Variants in PCDHGB4 observed in about 807,000 individuals in gnomAD.
PCDHGB4 encodes the protein protocadherin gamma subfamily B, 4, also known as protocadherin gamma-B4.
Under a neutral mutation model 60.5 loss-of-function variants are expected in PCDHGB4, and 38 were observed. That is an observed-to-expected ratio of 0.63 (90% CI 0.48 to 0.82). The LOEUF (loss-of-function observed/expected upper bound fraction) is 0.82, where lower values mean the gene tolerates loss of function less well. PCDHGB4 is among the 40% of genes least tolerant of loss of function. The probability of loss-of-function intolerance (pLI) is 0.00; values close to 1 mark genes in which losing one functional copy is unlikely to be tolerated. For synonymous variants in PCDHGB4, 456 were observed against 509.7 expected (o/e 0.89, Z 1.42); for missense variants, 1,109 against 1,209.6 (o/e 0.92, Z 1.23).
intron 1 of PCDHGB4, among the ~76,000 whole-genome samples, chr5:141,492,798 C>T (rs1219815576): frequency 6.6e-6 from 1 of 152,250 alleles, no homozygotes; most frequent in Non-Finnish European, 1.5e-5. Flanking sequence ...GACAGCAGGA[C>T]TGGGACTCCA....
chr5:141,436,856 G>A (rs942357563), intron 1 of PCDHGB4, among the ~76,000 whole-genome samples: 2 of 152,246 alleles, frequency 1.3e-5, no homozygotes, highest in Admixed American at 1.3e-4. Context: ...TGATTGAGAA[G>A]CCACAGTTTT....
chr5:141,476,357 C>G lies in PCDHGB4; in HGVS notation c.2398-18450C>G. On this transcript the variant is annotated intron_variant, in intron 1 of 3. Transcript: ENST00000519479. The surrounding 1 kb of genome is among the most constrained non-coding windows in gnomAD (Gnocchi z 7.6). ...TAGCCGAAGATTCTTTGAGGTGAAC[C>G]GGGAGACCGGAGAGATGTTTGTGAA... The G allele has an allele frequency of 6.2e-7, 1 of 1,614,052 alleles. No individual in the cohort carries two copies. Among genetic ancestry groups the G allele is most frequent in the South Asian group, 1.1e-5 (1 of 91,078 alleles).
chr5:141,399,997 A>G, intron 1 of PCDHGB4: 1 of 1,612,344 alleles, frequency 6.2e-7, no homozygotes, highest in Non-Finnish European at 8.5e-7. Context: ...AGAGGTGCGC[A>G]CAGCGCGTGC....
At chr5:141,403,715 G>A in intron 1 of PCDHGB4, 3 of 1,613,898 alleles carry the variant, frequency 1.9e-6, no homozygotes, top group Non-Finnish European at 2.5e-6. Flanking sequence ...CCTTGAGAAC[G>A]TGCCCCCAGG....
Position 141,389,722 on chromosome 5 carries a change from G to C in PCDHGB4, c.1838G>C (p.Gly613Ala), listed in dbSNP as rs141134077. 15,348 of 1,612,674 alleles carry C rather than the reference G, an allele frequency of 9.5e-3. 102 individuals are homozygous for C. The highest frequency in any genetic ancestry group is 0.028 in the Middle Eastern group (161 of 5,786). The change falls in exon 1 of 4, where the codon GGG (glycine) becomes GCG (alanine). Residue 613 changes from glycine (G) to alanine (A), a missense_variant. Physicochemically the swap from Gly to Ala is moderately conservative, Grantham distance 60 (BLOSUM62 0). Coordinates refer to ENST00000519479, the MANE Select transcript of PCDHGB4 (RefSeq NM_003736.4). ...CACGTGCTGCAGGCTAGCGAGCCCG[G>C]GCTCTTCAGCCTGGGGCTGCGCACG... ...SYHVLQASEP[G>A]LFSLGLRTGE...
At chr5:141,443,953 T>C (rs1373953428) in intron 1 of PCDHGB4, among the ~76,000 whole-genome samples, 1 of 152,142 alleles carries the variant, frequency 6.6e-6, no homozygotes, top group Non-Finnish European at 1.5e-5. Context: ...CTTATTGGTA[T>C]GTATTCTGTG....
intron 1 of PCDHGB4, among the ~76,000 whole-genome samples, chr5:141,475,215 T>C (rs768665396): frequency 2.6e-5 from 4 of 152,176 alleles, no homozygotes; most frequent in Non-Finnish European, 5.9e-5. Flanking sequence ...AAAGGATTGA[T>C]CAAGTAAAGG....
chr5:141,403,100 A>G (rs1295654527), intron 1 of PCDHGB4: 5 of 1,613,992 alleles, frequency 3.1e-6, no homozygotes, highest in Non-Finnish European at 4.2e-6. Flanking sequence ...CAACATCTCC[A>G]AGGACCTGGC....
intron 1 of PCDHGB4, chr5:141,394,756 A>T (rs757241753): frequency 1.2e-6 from 2 of 1,613,324 alleles, no homozygotes; most frequent in Non-Finnish European, 1.7e-6. Flanking sequence ...GCCGTCCAGG[A>T]CCATGGCCAG....
chr5:141,403,762 T>A (rs1217388200), intron 1 of PCDHGB4: 1 of 1,613,736 alleles, frequency 6.2e-7, no homozygotes, highest in Non-Finnish European at 8.5e-7. Flanking sequence ...GCGACCTGGA[T>A]GAGGGAATCA....
chr5:141,396,439 T>C (rs1191341482), intron 1 of PCDHGB4: 1 of 152,138 alleles, frequency 6.6e-6, no homozygotes, highest in African/African-American at 2.4e-5. Flanking sequence ...GCAAACATGG[T>C]GAAACCCCGT....
At chr5:141,400,279 G>C (rs1561676065) in intron 1 of PCDHGB4, 1 of 1,614,050 alleles carries the variant, frequency 6.2e-7, no homozygotes, top group African/African-American at 1.3e-5. Context: ...CTCCAGCCCT[G>C]CCGCCTGGAG....
At chr5:141,459,714 T>C (rs1240430980) in intron 1 of PCDHGB4, among the ~76,000 whole-genome samples, 4 of 152,244 alleles carry the variant, frequency 2.6e-5, no homozygotes, top group Admixed American at 6.5e-5. Flanking sequence ...TTCTCACCAA[T>C]GCTTCCTATT....
intron 1 of PCDHGB4, among the ~76,000 whole-genome samples, chr5:141,446,747 G>T (rs997132200): frequency 3.9e-5 from 6 of 152,190 alleles, no homozygotes; most frequent in Non-Finnish European, 8.8e-5. Context: ...GATTACAGGC[G>T]TGAGCCACCG....
At position 141,477,879 on chromosome 5, in the gene PCDHGB4, A is replaced by T. The variant is rs932363258; in HGVS notation, c.2398-16928A>T. The T allele has an allele frequency of 3.4e-5, 55 of 1,614,060 alleles. No homozygotes were observed. The highest frequency in any genetic ancestry group is 4.6e-5 in the Non-Finnish European group (54 of 1,180,034). ...CTGCCTCGAGGTACCTCAGCTGGCCACCTAGTGTCACGGGTGGTAGGCTGG... is the reference window on the plus strand; with the variant it reads ...CTGCCTCGAGGTACCTCAGCTGGCCTCCTAGTGTCACGGGTGGTAGGCTGG... On this transcript the variant is annotated intron_variant, in intron 1 of 3. Coordinates refer to ENST00000519479, the MANE Select transcript of PCDHGB4 (RefSeq NM_003736.4). This position sits in a 1 kb window ranked among gnomAD's most constrained non-coding sequence, Gnocchi z 4.9.
At chr5:141,400,360 C>T (rs1327384409) in intron 1 of PCDHGB4, 2 of 1,614,030 alleles carry the variant, frequency 1.2e-6, no homozygotes, top group East Asian at 2.2e-5. Context: ...GGGGACTTTG[C>T]CTTATTCCTA....
rs930862898 is a variant in PCDHGB4 at position 141,480,073 on chromosome 5, C to A, written c.2398-14734C>A. ...GGAATAATAAGTGTTTTATAAGATT[C>A]ATGCATGATATAATGTATGCAAAGT... On this transcript the variant is annotated intron_variant, in intron 1 of 3. Coordinates refer to ENST00000519479, the MANE Select transcript of PCDHGB4 (RefSeq NM_003736.4). Among the ~76,000 whole-genome samples, 5 of 152,174 alleles carry A rather than the reference C, an allele frequency of 3.3e-5. No homozygotes were observed. In the South Asian group the frequency reaches 8.3e-4, roughly 25 times the overall value.
At chr5:141,505,106 G>A (rs934779049) in intron 2 of PCDHGB4, among the ~76,000 whole-genome samples, 1 of 152,188 alleles carries the variant, frequency 6.6e-6, no homozygotes, top group Non-Finnish European at 1.5e-5. Context: ...ATGTTGCAAT[G>A]AGCCAAGATC....
At position 141,485,682 on chromosome 5, in the gene PCDHGB4, A is replaced by T. The variant is rs779441999; in HGVS notation, c.2398-9125A>T. 6.2e-7 allele frequency: 1 copy of T among 1,613,958 alleles called. No individual in the cohort carries two copies. Among genetic ancestry groups the T allele is most frequent in the Non-Finnish European group, 8.5e-7 (1 of 1,179,972 alleles). On this transcript the variant is annotated intron_variant, in intron 1 of 3. Transcript: ENST00000519479. This position sits in a 1 kb window ranked among gnomAD's most constrained non-coding sequence, Gnocchi z 5.7. ...GTGGGGAGCAATTCGATTAGCAGCT[A>T]TAGGCTGAGCTCCAATGAACACTTT...
Sources: gnomAD v4.1 joint callset for allele counts (sites outside exome capture counted in the v4.1 genomes callset) on GRCh38, gnomAD v4.1.1 for gene constraint, Gnocchi (gnomAD v3.1) non-coding constraint, MANE v1.5 for transcripts, NCBI Gene and HGNC (gene_info 2026-07-23, HGNC 2026-07-21) for gene names.